LYPD6: variants seen among roughly 807,000 people sequenced by gnomAD.
The protein encoded by LYPD6 is LY6/PLAUR domain containing 6.
Under a neutral mutation model 22.7 loss-of-function variants are expected in LYPD6, and 15 were observed. The observed-to-expected ratio is 0.66, with a 90% CI of 0.44 to 1.02. The LOEUF (loss-of-function observed/expected upper bound fraction) is 1.02. LYPD6 is among the 50% of genes least tolerant of loss of function. The pLI, the probability that LYPD6 is intolerant of heterozygous loss-of-function variation, is 0.00. For missense variants in LYPD6, 189 were observed against 208.4 expected (o/e 0.91, Z 0.57); for synonymous variants, 72 against 77.5 (o/e 0.93, Z 0.37).
intron 1 of LYPD6, among the ~76,000 whole-genome samples, chr2:149,384,814 G>T (rs1438616397): frequency 2.0e-5 from 3 of 151,864 alleles, no homozygotes; most frequent in African/African-American, 7.2e-5. Flanking sequence ...GTGCCATGCT[G>T]GTGTGCTGCA....
intron 1 of LYPD6, among the ~76,000 whole-genome samples, chr2:149,407,553 G>A (rs1219928038): frequency 1.3e-5 from 2 of 152,072 alleles, no homozygotes; most frequent in East Asian, 1.9e-4. Flanking sequence ...CATTCTTTGC[G>A]TAGTTCTGGA....
intron 2 of LYPD6, among the ~76,000 whole-genome samples, chr2:149,441,670 T>G (rs1683570741): frequency 6.6e-6 from 1 of 152,216 alleles, no homozygotes; most frequent in Admixed American, 6.5e-5. Flanking sequence ...ATGTGAAAAA[T>G]GAATTTCTTC....
At chr2:149,432,944 TA>T (rs1309030091) in intron 1 of LYPD6, among the ~76,000 whole-genome samples, 1 of 152,228 alleles carries the variant, frequency 6.6e-6, no homozygotes, top group African/African-American at 2.4e-5. Context: ...AAAATGTTAT[TA>T]AAAGTTTTTC....
intron 2 of LYPD6, among the ~76,000 whole-genome samples, chr2:149,445,903 C>A (rs774821899): frequency 8.5e-5 from 13 of 152,350 alleles, no homozygotes; most frequent in Non-Finnish European, 1.8e-4. Context: ...AGAGGCCTAG[C>A]TCTCAGCCTA....
At chr2:149,379,317 A>G (rs1682006466) in intron 1 of LYPD6, among the ~76,000 whole-genome samples, 1 of 152,238 alleles carries the variant, frequency 6.6e-6, no homozygotes, top group African/African-American at 2.4e-5. Context: ...GGATCTGTGC[A>G]TCAACACCTG....
rs1681398123 is a variant in LYPD6 at position 149,353,595 on chromosome 2, A to G, written c.-72+22873A>G. ...GGAGAGCTTTTGTTTTTACTTACAG[A>G]TGGTCGGTGTCATTTTCTGGGCAAC... On this transcript the variant is annotated intron_variant, in intron 1 of 4. Transcript: ENST00000334166. 2.6e-5 allele frequency among the ~76,000 whole-genome samples: 4 copies of G among 152,162 alleles called. 1 individual carries two copies. In the South Asian group the frequency reaches 8.3e-4, roughly 31 times the overall value.
intron 1 of LYPD6, among the ~76,000 whole-genome samples, chr2:149,436,780 A>G (rs1482224731): frequency 6.6e-6 from 1 of 152,156 alleles, no homozygotes. Context: ...ACAGGGTTTC[A>G]CTGTATTGGC....
downstream of LYPD6, among the ~76,000 whole-genome samples, chr2:149,474,301 A>T (rs548004395): frequency 2.6e-5 from 4 of 151,998 alleles, no homozygotes; most frequent in African/African-American, 9.6e-5. Context: ...GGCTCAAGTG[A>T]TATCCTCCTG....
the LYPD6 span, among the ~76,000 whole-genome samples, chr2:149,483,886 G>A: frequency 9.2e-5 from 14 of 152,282 alleles, no homozygotes; most frequent in East Asian, 2.7e-3. Flanking sequence ...AGAAAATGTG[G>A]TGTATATCAT....
At position 149,438,822 on chromosome 2, in the gene LYPD6, G is replaced by T. The variant is rs189615222; in HGVS notation, c.118+996G>T. 2.6e-3 allele frequency among the ~76,000 whole-genome samples: 398 copies of T among 152,350 alleles called. 2 individuals are homozygous for T. Among genetic ancestry groups the T allele is most frequent in the Middle Eastern group, 6.8e-3 (2 of 294 alleles). ...GGTATGCAGAATGCCCTGGGGCTTG[G>T]AGTCCACCTGACCTAGGGTCAGCAA... On this transcript the variant is annotated intron_variant, in intron 2 of 4. Coordinates refer to ENST00000334166, the MANE Select transcript of LYPD6 (RefSeq NM_194317.5).
At chr2:149,367,261 C>T (rs1681691793) in intron 1 of LYPD6, among the ~76,000 whole-genome samples, 1 of 152,182 alleles carries the variant, frequency 6.6e-6, no homozygotes, top group South Asian at 2.1e-4. Flanking sequence ...GAAAGATCCA[C>T]TTCCATGCTC....
At chr2:149,390,682 TTCTA>T (rs2105097711) in intron 1 of LYPD6, among the ~76,000 whole-genome samples, 1 of 152,342 alleles carries the variant, frequency 6.6e-6, no homozygotes, top group East Asian at 1.9e-4. Context: ...TGATAGCCAA[TTCTA>T]TCTTAGTATT....
At chr2:149,417,370 G>A (rs1378472814) in intron 1 of LYPD6, among the ~76,000 whole-genome samples, 1 of 152,140 alleles carries the variant, frequency 6.6e-6, no homozygotes, top group Non-Finnish European at 1.5e-5. Flanking sequence ...TCTAACTGTG[G>A]ACCTATATTA....
At chr2:149,395,141 G>A (rs928922000) in intron 1 of LYPD6, among the ~76,000 whole-genome samples, 3 of 151,576 alleles carry the variant, frequency 2.0e-5, no homozygotes, top group African/African-American at 4.9e-5. Flanking sequence ...TTGTGCATGT[G>A]CCATTTATCA....
intron 1 of LYPD6, among the ~76,000 whole-genome samples, chr2:149,433,068 T>C (rs1292097335): frequency 6.6e-6 from 1 of 152,240 alleles, no homozygotes; most frequent in African/African-American, 2.4e-5. Flanking sequence ...TTTTACTAAC[T>C]ACACATAAAC....
intron 1 of LYPD6, among the ~76,000 whole-genome samples, chr2:149,428,985 C>G (rs974657875): frequency 6.6e-6 from 1 of 152,160 alleles, no homozygotes; most frequent in African/African-American, 2.4e-5. Flanking sequence ...TGAGGTTATT[C>G]AAACTCTGTG....
rs1573807902 is a variant in LYPD6, at chr2:149,437,847, G to A, written c.118+21G>A. 8.1e-6 allele frequency: 13 copies of A among 1,612,200 alleles called. No homozygotes were observed. In the East Asian group the frequency reaches 2.9e-4, roughly 36 times the overall value. On this transcript the variant is annotated intron_variant, in intron 2 of 4. Transcript: ENST00000334166. ...TTCAAGTAAGACTGTTCTCTTTGCT[G>A]CAGAAATATCACTTTATTTCAAATA...
At chr2:149,332,139 A>G (rs1225634622) in intron 1 of LYPD6, among the ~76,000 whole-genome samples, 2 of 152,230 alleles carry the variant, frequency 1.3e-5, no homozygotes, top group Non-Finnish European at 2.9e-5. Context: ...TCTGTTTTCA[A>G]TTTTAGTTTC....
chr2:149,457,679 C>G (rs1367289221), intron 3 of LYPD6, among the ~76,000 whole-genome samples: 1 of 152,166 alleles, frequency 6.6e-6, no homozygotes, highest in Non-Finnish European at 1.5e-5. Context: ...ACAAAATTAT[C>G]TAGCCCAAAA....
Sources: gnomAD v4.1 joint callset for allele counts (sites outside exome capture counted in the v4.1 genomes callset) on GRCh38, gnomAD v4.1.1 for gene constraint, MANE v1.5 for transcripts, NCBI Gene and HGNC (gene_info 2026-07-23, HGNC 2026-07-21) for gene names.